The following LIN37 variants were observed in gnomAD, a reference collection of about 807,000 sequenced individuals.
The protein encoded by LIN37 is protein lin-37 homolog.
LIN37 carries 21 observed loss-of-function variants against 38.0 expected under a neutral mutation model. The ratio of observed to expected loss-of-function variants is 0.55; its 90% CI spans 0.39 to 0.80. LIN37 has a LOEUF of 0.80. Ranked by LOEUF, LIN37 falls within the 30% of genes least tolerant of loss-of-function variation. The probability of loss-of-function intolerance (pLI) is 0.00; values close to 1 mark genes in which losing one functional copy is unlikely to be tolerated. For missense variants in LIN37, 273 were observed against 338.5 expected, an observed-to-expected ratio of 0.81 and a Z score of 1.52; for synonymous variants, 126 against 122.9, an observed-to-expected ratio of 1.03 and a Z score of -0.17.
intron 1 of LIN37, among the ~76,000 whole-genome samples, chr19:35,749,346 G>T (rs1162770033): frequency 6.6e-6 from 1 of 152,160 alleles, no homozygotes; most frequent in East Asian, 1.9e-4. Context: ...GTGGTCAATG[G>T]GTGAAGCTTA....
In LIN37 at chr19:35,752,264, G is replaced by GTCCT. The variant is rs1970688955; in HGVS notation, c.110+13_110+14insTCCT. ...GTCACATGGACAGGTAGGCCAGCGT[G>GTCCT]GGGTCACAGGGCCGGGCACCCTGGT... On this transcript the variant is annotated intron_variant, in intron 2 of 8. Coordinates refer to ENST00000301159, the MANE Select transcript of LIN37 (RefSeq NM_019104.3). 4 of 1,600,868 alleles carry GTCCT rather than the reference G, an allele frequency of 2.5e-6. No individual in the cohort carries two copies. In the Admixed American group the frequency reaches 6.9e-5, roughly 28 times the overall value.
In LIN37 at chr19:35,748,617, C is replaced by G. The variant is rs1183361988; in HGVS notation, c.-108C>G. The G allele has an allele frequency of 2.2e-5, 33 of 1,479,644 alleles. No homozygotes were observed. Among genetic ancestry groups the G allele is most frequent in the Middle Eastern group, 1.7e-4 (1 of 5,796 alleles). 91.7% of individuals were successfully genotyped at this position (1,479,644 alleles called of 1,614,324 possible). ...ACAACCAAAGGCGGAGGACCCGTGG[C>G]CCACGAAGCTCATCTTTGAACTGTC... On this transcript the variant is annotated 5_prime_UTR_variant, in exon 1 of 9. Coordinates refer to ENST00000301159, the MANE Select transcript of LIN37 (RefSeq NM_019104.3).
chr19:35,749,667 T>C (rs1028894948), intron 1 of LIN37, among the ~76,000 whole-genome samples: 15 of 145,922 alleles, frequency 1.0e-4, no homozygotes, highest in African/African-American at 3.8e-4. Flanking sequence ...TAGCCAGGTG[T>C]GGTGGCACAA....
At position 35,753,215 on chromosome 19, in the gene LIN37, C is replaced by A. The variant is rs796089363; in HGVS notation, c.406C>A (p.Pro136Thr). 3.2e-6 allele frequency: 5 copies of A among 1,558,676 alleles called. No homozygotes were observed. The African/African-American group carries it at 4.1e-5, about 13-fold the overall frequency. The change falls in exon 6 of 9, where the codon CCC becomes ACC. Residue 136 changes from proline (P) to threonine (T), a missense_variant. By Grantham distance (38) the Pro-to-Thr change is conservative. Coordinates refer to ENST00000301159, the MANE Select transcript of LIN37 (RefSeq NM_019104.3). The part of the protein sequence containing the change: ...SPSVRERECS[P>T]SSPLPPLPED... The stretch of plus-strand genomic sequence containing the variant: ...CTCTGTGCGCGAGCGTGAATGCTCT[C>A]CCAGCTCACCCCTGCCCCCGCTGCC...
At chr19:35,749,798 C>G (rs1228699914) in intron 1 of LIN37, among the ~76,000 whole-genome samples, 1 of 132,290 alleles carries the variant, frequency 7.6e-6, no homozygotes, top group Non-Finnish European at 1.6e-5. Context: ...GATTGAGACC[C>G]TGTCTCAAAA....
intron 4 of LIN37, 30 bp from the exon 5 acceptor site, chr19:35,752,884 C>T: frequency 6.3e-7 from 1 of 1,591,688 alleles, no homozygotes; most frequent in Non-Finnish European, 8.6e-7. Flanking sequence ...AGCTCCTACC[C>T]CAGTCCTGAC....
Position 35,748,642 on chromosome 19 carries a change from C to T in LIN37, c.-83C>T. 1 of 1,590,712 alleles carries T rather than the reference C, an allele frequency of 6.3e-7. No individual in the cohort carries two copies. Among genetic ancestry groups the T allele is most frequent in the Non-Finnish European group, 8.6e-7 (1 of 1,159,100 alleles). On this transcript the variant is annotated 5_prime_UTR_variant, in exon 1 of 9. Transcript: ENST00000301159. The stretch of plus-strand genomic sequence containing the variant: ...CCCACGAAGCTCATCTTTGAACTGT[C>T]CCCGCCTTCTCCCGCCTTGACTTGT...
intron 1 of LIN37, 127 bp downstream of exon 1, chr19:35,748,885 G>C (rs533851812): frequency 2.8e-5 from 45 of 1,585,096 alleles, no homozygotes; most frequent in Non-Finnish European, 8.6e-7. Context: ...GACAATCGCT[G>C]TATCAGGCAG....
chr19:35,748,643 C>G lies in LIN37; in HGVS notation c.-82C>G, dbSNP rs1049538991. The G allele has an allele frequency of 3.8e-6, 6 of 1,591,764 alleles. No individual in the cohort carries two copies. The African/African-American group carries it at 8.1e-5, about 21-fold the overall frequency. On this transcript the variant is annotated 5_prime_UTR_variant, in exon 1 of 9. Coordinates refer to ENST00000301159, the MANE Select transcript of LIN37 (RefSeq NM_019104.3). ...CCACGAAGCTCATCTTTGAACTGTCCCCGCCTTCTCCCGCCTTGACTTGTG... is the reference window on the plus strand; with the variant it reads ...CCACGAAGCTCATCTTTGAACTGTCGCCGCCTTCTCCCGCCTTGACTTGTG...
In LIN37 at chr19:35,753,289, G is replaced by C. The variant is rs566626587; in HGVS notation, c.444+36G>C. 4 of 1,540,344 alleles carry C rather than the reference G, an allele frequency of 2.6e-6. No homozygotes were observed. In the South Asian group the frequency reaches 3.6e-5, roughly 14 times the overall value. ...TAGTGGGTCCCAGCCCAGCAGCCTG[G>C]TGCCAGGGCAGTGGGTGGATAGGCT... On this transcript the variant is annotated intron_variant, in intron 6 of 8. Transcript: ENST00000301159.
intron 1 of LIN37, among the ~76,000 whole-genome samples, chr19:35,750,114 A>G (rs1970661465): frequency 6.7e-6 from 1 of 149,254 alleles, no homozygotes; most frequent in Admixed American, 6.6e-5. Context: ...GGTGGGTGGG[A>G]GAGACACTCG....
At chr19:35,750,802 A>T (rs569723359) in intron 1 of LIN37, among the ~76,000 whole-genome samples, 1 of 152,058 alleles carries the variant, frequency 6.6e-6, no homozygotes, top group East Asian at 1.9e-4. Context: ...TGTACTAAAA[A>T]TAGAAAAAAT....
At position 35,748,714 on chromosome 19, in the gene LIN37, G is replaced by A. The variant is rs531545174; in HGVS notation, c.-11G>A. On this transcript the variant is annotated 5_prime_UTR_variant, in exon 1 of 9. Coordinates refer to ENST00000301159, the MANE Select transcript of LIN37 (RefSeq NM_019104.3). ...CCTCTGACCCAGCTAGCCAGATCCCGGACCCAAACCATGTTCCCTGTGAAG... is the reference window on the plus strand; with the variant it reads ...CCTCTGACCCAGCTAGCCAGATCCCAGACCCAAACCATGTTCCCTGTGAAG... 6.2e-7 allele frequency: 1 copy of A among 1,613,862 alleles called. No homozygotes were observed. The highest frequency in any genetic ancestry group is 1.7e-5 in the Admixed American group (1 of 60,016).
chr19:35,752,044 C>T (rs1935548120), intron 1 of LIN37, 132 bp from the exon 2 acceptor site: 2 of 670,768 alleles, frequency 3.0e-6, no homozygotes, highest in African/African-American at 1.8e-5. Flanking sequence ...CTGTTGCACC[C>T]TTTCAGGCTG....
chr19:35,752,271 C>T lies in LIN37; in HGVS notation c.110+20C>T. ...GGACAGGTAGGCCAGCGTGGGGTCA[C>T]AGGGCCGGGCACCCTGGTGGGTTGG... On this transcript the variant is annotated intron_variant, in intron 2 of 8. Coordinates refer to ENST00000301159, the MANE Select transcript of LIN37 (RefSeq NM_019104.3). 3 of 1,597,860 alleles carry T rather than the reference C, an allele frequency of 1.9e-6. No individual in the cohort carries two copies. The highest frequency in any genetic ancestry group is 2.6e-6 in the Non-Finnish European group (3 of 1,171,548).
In LIN37 at chr19:35,752,956, G is replaced by A. The variant is rs756705073; in HGVS notation, c.234G>A (p.Arg78=). Residue 78 remains arginine, a synonymous_variant, in exon 5 of 9, where the codon AGG becomes AGA. Coordinates refer to ENST00000301159, the MANE Select transcript of LIN37 (RefSeq NM_019104.3). ...RFPHQRRKKR[R]EMDDGLAEGG... is the part of the protein sequence containing the mutation. Reference sequence around the variant, plus strand: ...CCCACCAGCGGAGGAAGAAGAGGAGGGAGATGGATGATGGGCTGGCTGAGG... The same window carrying A: ...CCCACCAGCGGAGGAAGAAGAGGAGAGAGATGGATGATGGGCTGGCTGAGG... 2 of 1,573,070 alleles carry A rather than the reference G, an allele frequency of 1.3e-6. No homozygotes were observed. Among genetic ancestry groups the A allele is most frequent in the Non-Finnish European group, 1.7e-6 (2 of 1,158,794 alleles).
At chr19:35,753,458 C>T (rs2146527956) in intron 6 of LIN37, 1 of 670,762 alleles carries the variant, frequency 1.5e-6, no homozygotes, top group African/African-American at 1.8e-5. Context: ...AACCACCTGG[C>T]CTGGGAGACA....
chr19:35,754,401 A>C lies in LIN37; in HGVS notation c.668A>C (p.Glu223Ala). ...CCCCTCTGCCTCCCCAGGTGGAAGG[A>C]GGCCTCTCATCGGAACCAGCTTCGT... ...RWKRIRQRWK[E>A]ASHRNQLRYS... The change falls in exon 9 of 9, where the codon GAG becomes GCG. Residue 223 changes from glutamate (E) to alanine (A), a missense_variant. Transcript: ENST00000301159. The C allele has an allele frequency of 1.2e-6, 2 of 1,614,042 alleles. No homozygotes were observed. The highest frequency in any genetic ancestry group is 1.7e-6 in the Non-Finnish European group (2 of 1,179,890).
At chr19:35,752,346 G>A in intron 2 of LIN37, 88 bp from the exon 3 acceptor site, 1 of 1,581,042 alleles carries the variant, frequency 6.3e-7, no homozygotes, top group Non-Finnish European at 8.7e-7. Context: ...CTGACTTGGG[G>A]AGGAAGGTGC....
Sources: allele counts gnomAD v4.1 joint callset (sites outside exome capture counted in the v4.1 genomes callset), GRCh38; gene constraint gnomAD v4.1.1; transcripts MANE v1.5; gene names NCBI Gene and HGNC (gene_info 2026-07-23, HGNC 2026-07-21).